LAMC2: variants seen among roughly 807,000 people sequenced by gnomAD.
LAMC2 encodes the protein laminin subunit gamma 2, also known as laminin subunit gamma-2.
A neutral mutation model predicts 140.2 loss-of-function variants in LAMC2; 97 were observed. That is an observed-to-expected ratio of 0.69 (90% CI 0.59 to 0.82). LAMC2 has a LOEUF of 0.82. LAMC2 is among the 40% of genes least tolerant of loss of function. LAMC2 has a pLI of 0.00. For missense variants in LAMC2, 1,402 were observed against 1,476.1 expected, an observed-to-expected ratio of 0.95 and a Z score of 0.82; for synonymous variants, 513 against 540.2, an observed-to-expected ratio of 0.95 and a Z score of 0.70.
the LAMC2 span, among the ~76,000 whole-genome samples, chr1:183,256,878 A>C: frequency 6.6e-6 from 1 of 151,974 alleles, no homozygotes; most frequent in Admixed American, 6.6e-5. Context: ...CAGCCTCCCA[A>C]GTAGCTGGGA....
chr1:183,252,486 C>T, the LAMC2 span: 2 of 677,310 alleles, frequency 3.0e-6, no homozygotes, highest in Non-Finnish European at 5.4e-6. Context: ...TAGGGAATGC[C>T]ATGGTTCTCT....
the LAMC2 span, among the ~76,000 whole-genome samples, chr1:183,254,173 A>G: frequency 1.3e-5 from 2 of 152,152 alleles, no homozygotes; most frequent in South Asian, 2.1e-4. Flanking sequence ...TCTGTTTTCT[A>G]TAACGGTTGT....
intron 8 of LAMC2, 113 bp from the exon 9 acceptor site, chr1:183,226,585 A>C (rs1368859907): frequency 1.1e-6 from 1 of 916,960 alleles, no homozygotes; most frequent in Non-Finnish European, 1.8e-6. Flanking sequence ...ATGATATATG[A>C]ACACCACCTG....
At chr1:183,202,917 A>G (rs1212702033) in intron 1 of LAMC2, among the ~76,000 whole-genome samples, 2 of 152,196 alleles carry the variant, frequency 1.3e-5, no homozygotes, top group Non-Finnish European at 2.9e-5. Context: ...TGGGTTTTTT[A>G]AAGTTCAACA....
At chr1:183,215,740 T>C in intron 3 of LAMC2, 152 bp downstream of exon 3, 1 of 931,256 alleles carries the variant, frequency 1.1e-6, no homozygotes, top group Non-Finnish European at 1.7e-6. Context: ...ATCCTCACAA[T>C]ACCCCTAAGA....
chr1:183,234,889 C>T (rs1659906644), intron 15 of LAMC2, among the ~76,000 whole-genome samples: 1 of 152,120 alleles, frequency 6.6e-6, no homozygotes, highest in African/African-American at 2.4e-5. Flanking sequence ...TCTGCAGGGC[C>T]CCAATGATAA....
In LAMC2 at chr1:183,236,532, G is replaced by T; in HGVS notation, c.2529G>T (p.Arg843Ser). ...CTCAAGCGGAAATTGAAGCAGATAG[G>T]TCTTATCAGCACAGTCTCCGCCTCC... The part of the protein sequence containing the change: ...EATQAEIEAD[R>S]SYQHSLRLLD... The change falls in exon 17 of 23, where the codon AGG becomes AGT. Residue 843 changes from arginine to serine, a missense_variant. Physicochemically the swap from Arg to Ser is moderately radical, Grantham distance 110. Around this residue, in one of 3 missense-constraint regions of LAMC2, gnomAD observed 670 missense variants for 667.2 expected, o/e 1.00. Coordinates refer to ENST00000264144, the MANE Select transcript of LAMC2 (RefSeq NM_005562.3). 6.2e-7 allele frequency: 1 copy of T among 1,614,104 alleles called. No homozygotes were observed. Among genetic ancestry groups the T allele is most frequent in the East Asian group, 2.2e-5 (1 of 44,882 alleles).
intron 5 of LAMC2, among the ~76,000 whole-genome samples, 159 bp downstream of exon 5, chr1:183,221,120 A>G (rs1424464299): frequency 2.0e-5 from 3 of 152,214 alleles, no homozygotes; most frequent in Non-Finnish European, 4.4e-5. Context: ...GCATATCCTG[A>G]TGTCTTGAAA....
chr1:183,238,421 G>A lies in LAMC2; in HGVS notation c.2869G>A (p.Glu957Lys), dbSNP rs1660031977. The part of the protein sequence containing the change: ...EVESILKNLR[E>K]FDLQVDNRKA... ...TGAGAGCATCCTTAAAAACCTCAGA[G>A]GTTAGTACTTCATGGTTCAGGTCAC... Residue 957 changes from glutamate (E) to lysine (K), a missense_variant and splice_region_variant, in exon 19 of 23, where the codon GAG (glutamate) becomes AAG (lysine). By Grantham distance (56) the Glu-to-Lys change is moderately conservative. This residue lies in a region of LAMC2 where 670 missense variants were observed against 667.2 expected (regional missense o/e 1.00). Coordinates refer to ENST00000264144, the MANE Select transcript of LAMC2 (RefSeq NM_005562.3). 5.0e-6 allele frequency: 8 copies of A among 1,595,374 alleles called. No individual in the cohort carries two copies. The highest frequency in any genetic ancestry group is 6.9e-6 in the Non-Finnish European group (8 of 1,162,946).
the LAMC2 span, among the ~76,000 whole-genome samples, chr1:183,254,772 T>A: frequency 6.6e-6 from 1 of 152,224 alleles, no homozygotes; most frequent in African/African-American, 2.4e-5. Flanking sequence ...ATATGTTTTC[T>A]TGCTATTTTG....
At chr1:183,258,713 A>G in the LAMC2 span, among the ~76,000 whole-genome samples, 2 of 152,122 alleles carry the variant, frequency 1.3e-5, no homozygotes, top group East Asian at 1.9e-4. Flanking sequence ...TGTTTGCAAT[A>G]TTTTGTAGAC....
chr1:183,252,143 G>T, the LAMC2 span: 1 of 156,288 alleles, frequency 6.4e-6, no homozygotes, highest in Admixed American at 6.3e-5. Flanking sequence ...AGTGAACAAA[G>T]AAAAATAAAT....
rs571758191 is a variant in LAMC2 at position 183,222,347 on chromosome 1, C to G, written c.763+136C>G. On this transcript the variant is annotated intron_variant, in intron 6 of 22. Coordinates refer to ENST00000264144, the MANE Select transcript of LAMC2 (RefSeq NM_005562.3). Reference sequence around the variant, plus strand: ...GCAGCATCTCCGGGTAGTGCAACCCCAGAAGAGAGATGGGGGCTAAGCCTG... The same window carrying G: ...GCAGCATCTCCGGGTAGTGCAACCCGAGAAGAGAGATGGGGGCTAAGCCTG... 6 of 892,562 alleles carry G rather than the reference C, an allele frequency of 6.7e-6. No homozygotes were observed. The African/African-American group carries it at 9.8e-5, about 15-fold the overall frequency. The allele number at this position is 892,562 out of a possible 1,614,324, so 55.3% of individuals were successfully genotyped here.
intron 1 of LAMC2, among the ~76,000 whole-genome samples, chr1:183,195,285 T>C (rs1265222629): frequency 6.6e-6 from 1 of 152,014 alleles, no homozygotes; most frequent in Non-Finnish European, 1.5e-5. Flanking sequence ...CACGGGTACA[T>C]TCCCAAGTCT....
At chr1:183,254,559 T>A in the LAMC2 span, among the ~76,000 whole-genome samples, 1 of 152,046 alleles carries the variant, frequency 6.6e-6, no homozygotes, top group African/African-American at 2.4e-5. Context: ...TGCCTCAGCC[T>A]CTCAAGCAGC....
intron 18 of LAMC2, among the ~76,000 whole-genome samples, chr1:183,237,971 C>A (rs4651151): frequency 3.3e-5 from 5 of 151,970 alleles, no homozygotes; most frequent in African/African-American, 1.2e-4. Context: ...TCCACCCAGT[C>A]GGTCAGCCCT....
chr1:183,204,280 G>A (rs1476571627), intron 1 of LAMC2, among the ~76,000 whole-genome samples: 1 of 151,938 alleles, frequency 6.6e-6, no homozygotes, highest in African/African-American at 2.4e-5. Flanking sequence ...GACAGAGTGA[G>A]ACTCTGTCTC....
chr1:183,242,505 G>A (rs956420363), intron 22 of LAMC2, among the ~76,000 whole-genome samples: 1 of 152,164 alleles, frequency 6.6e-6, no homozygotes, highest in African/African-American at 2.4e-5. Flanking sequence ...ATTAGTTTTA[G>A]ATAGTCTAAG....
At position 183,222,211 on chromosome 1, in the gene LAMC2, G is replaced by A; in HGVS notation, c.763G>A (p.Ala255Thr). 6.2e-7 allele frequency: 1 copy of A among 1,614,008 alleles called. No individual in the cohort carries two copies. The highest frequency in any genetic ancestry group is 1.7e-5 in the Admixed American group (1 of 60,016). Residue 255 changes from alanine (A) to threonine (T), a missense_variant and splice_region_variant, in exon 6 of 23, where the codon GCC (alanine) becomes ACC (threonine). Transcript: ENST00000264144. ...AGACCCTGTCTATTTTGTGGCTCCT[G>A]GTATGTGAGGAATAATGTCTCCTAT... ...RLDPVYFVAP[A>T]KFLGNQQVSY...
Sources: gnomAD v4.1 joint callset for allele counts (sites outside exome capture counted in the v4.1 genomes callset) on GRCh38, gnomAD v4.1.1 for gene constraint, gnomAD v4.1.1 regional missense constraint, MANE v1.5 for transcripts, NCBI Gene and HGNC (gene_info 2026-07-23, HGNC 2026-07-21) for gene names.